Variants in INPP4A observed in about 807,000 individuals in gnomAD.
The protein encoded by INPP4A is inositol polyphosphate-4-phosphatase type I A.
A neutral mutation model predicts 119.8 loss-of-function variants in INPP4A; 33 were observed. The ratio of observed to expected loss-of-function variants is 0.28; its 90% confidence interval spans 0.21 to 0.37. The LOEUF (loss-of-function observed/expected upper bound fraction) is 0.37. Ranked by LOEUF, INPP4A falls within the 10% of genes least tolerant of loss-of-function variation. The pLI, the probability that INPP4A is intolerant of heterozygous loss-of-function variation, is 1.00. For missense variants in INPP4A, 956 were observed against 1,289.9 expected, an observed-to-expected ratio of 0.74 and a Z score of 3.97; for synonymous variants, 496 against 500.7, an observed-to-expected ratio of 0.99 and a Z score of 0.12.
intron 1 of INPP4A, among the ~76,000 whole-genome samples, chr2:98,471,790 T>C (rs1260742797): frequency 6.6e-6 from 1 of 152,190 alleles, no homozygotes; most frequent in Non-Finnish European, 1.5e-5. Flanking sequence ...AGAACCCCTG[T>C]TGGGGCTGAA....
At chr2:98,471,212 T>G (rs146075193) in intron 1 of INPP4A, among the ~76,000 whole-genome samples, 28 of 152,322 alleles carry the variant, frequency 1.8e-4, no homozygotes, top group African/African-American at 6.0e-4. Flanking sequence ...GTGGCTTCAC[T>G]GTAGATGGCC....
rs1575111358 is a variant in INPP4A, at chr2:98,565,670, G to A, written c.2183G>A (p.Ser728Asn). 6.2e-7 allele frequency: 1 copy of A among 1,612,682 alleles called. No individual in the cohort carries two copies. Among genetic ancestry groups the A allele is most frequent in the East Asian group, 2.2e-5 (1 of 44,800 alleles). Reference sequence around the variant, plus strand: ...GAGCTGGCAATGCTGGAGGACATGAGCCTTGGGATCATGGACTTGAGGAAC... The same window carrying A: ...GAGCTGGCAATGCTGGAGGACATGAACCTTGGGATCATGGACTTGAGGAAC... ...GEELAMLEDM[S>N]LGIMDLRNVT... Residue 728 changes from serine to asparagine, a missense_variant, in exon 20 of 25, where the codon AGC becomes AAC. By Grantham distance (46) the Ser-to-Asn change is conservative. Transcript: ENST00000409851.
In INPP4A at chr2:98,592,879, C is replaced by T. The variant is rs539523797; in HGVS notation, c.*5271C>T. On this transcript the variant is annotated 3_prime_UTR_variant, in exon 25 of 25. Transcript: ENST00000409851. The stretch of plus-strand genomic sequence containing the variant: ...TGGGAAAAGCTGGTGGGGGCTACAC[C>T]GTGCTCTGCAGTGTAGTGGGATCCT... The T allele has an allele frequency of 2.0e-5, 3 of 152,488 alleles. No homozygotes were observed. The East Asian group carries it at 5.8e-4, about 29-fold the overall frequency. 9.4% of individuals were successfully genotyped at this position (152,488 alleles called of 1,614,324 possible).
chr2:98,530,006 C>G (rs532289070), intron 4 of INPP4A, among the ~76,000 whole-genome samples: 1 of 152,100 alleles, frequency 6.6e-6, no homozygotes, highest in African/African-American at 2.4e-5. Flanking sequence ...AGAGAGAGAG[C>G]TGGAAAGAGG....
intron 9 of INPP4A, 39 bp from the exon 10 acceptor site, chr2:98,539,489 G>A (rs1469610011): frequency 5.0e-6 from 8 of 1,587,328 alleles, no homozygotes; most frequent in African/African-American, 4.1e-5. Context: ...TCTGCAGCCA[G>A]TTCATTTGCA....
At chr2:98,536,057 C>G in intron 6 of INPP4A, 72 bp from the exon 7 acceptor site, 2 of 967,282 alleles carry the variant, frequency 2.1e-6, no homozygotes, top group African/African-American at 1.6e-5. Flanking sequence ...GCTGGACTCT[C>G]TGGGGCCATG....
chr2:98,524,879 CTGTT>C (rs1325600063), intron 4 of INPP4A, among the ~76,000 whole-genome samples: 1 of 152,192 alleles, frequency 6.6e-6, no homozygotes, highest in African/African-American at 2.4e-5. Flanking sequence ...ACAAAAAGCA[CTGTT>C]TGTTTTAGTT....
chr2:98,473,142 AGT>A (rs1676427740), intron 1 of INPP4A, among the ~76,000 whole-genome samples: 1 of 148,350 alleles, frequency 6.7e-6, no homozygotes. Flanking sequence ...TGCAGTGAAG[AGT>A]GTGGAGGGCA....
In INPP4A at chr2:98,585,648, AAC is replaced by A. The variant is rs1470823082; in HGVS notation, c.2787-1826_2787-1825del. Among the ~76,000 whole-genome samples, 13 of 152,328 alleles carry A rather than the reference AAC, an allele frequency of 8.5e-5. No individual in the cohort carries two copies. The East Asian group carries it at 2.5e-3, about 29-fold the overall frequency. ...CGTCCGCACAGGCAGGTGGTGGGATAACAGTGTCGGCATGTGGATCAGCCACA... is the reference window on the plus strand; with the variant it reads ...CGTCCGCACAGGCAGGTGGTGGGATAAGTGTCGGCATGTGGATCAGCCACA... On this transcript the variant is annotated intron_variant, in intron 24 of 24. Coordinates refer to ENST00000409851, the MANE Select transcript of INPP4A (RefSeq NM_001134225.2).
rs766300586 is a variant in INPP4A, at chr2:98,572,830, G to A, written c.2534G>A (p.Arg845His). The change falls in exon 23 of 25, where the codon CGC (arginine) becomes CAC (histidine). Residue 845 changes from arginine to histidine, a missense_variant. By Grantham distance (29) the Arg-to-His change is conservative (BLOSUM62 0). Transcript: ENST00000409851. ...TCTCTTCCAGGCCTGCCTCGGTCTC[G>A]CAGTCAGACGTGCCTGCCAGAGCTG... ...VLPEDCLPRS[R>H]SQTCLPELLR... is the part of the protein sequence containing the mutation. 2 of 1,562,342 alleles carry A rather than the reference G, an allele frequency of 1.3e-6. No homozygotes were observed. Among genetic ancestry groups the A allele is most frequent in the South Asian group, 1.2e-5 (1 of 84,520 alleles).
intron 1 of INPP4A, among the ~76,000 whole-genome samples, chr2:98,504,526 C>T (rs764040486): frequency 1.3e-5 from 2 of 152,172 alleles, no homozygotes; most frequent in African/African-American, 2.4e-5. Context: ...AGCATTGTAA[C>T]GTTGGTGCTG....
intron 16 of INPP4A, 128 bp downstream of exon 16, chr2:98,555,936 G>C (rs559703057): frequency 8.5e-7 from 1 of 1,178,730 alleles, no homozygotes; most frequent in Non-Finnish European, 1.2e-6. Context: ...CAGGTGGAGC[G>C]GGGGCGTCCC....
chr2:98,578,054 A>G (rs1447563076), intron 24 of INPP4A, among the ~76,000 whole-genome samples: 1 of 152,206 alleles, frequency 6.6e-6, no homozygotes, highest in Non-Finnish European at 1.5e-5. Context: ...CCTCTTGATA[A>G]GTGCATTTTG....
chr2:98,539,403 C>G, intron 9 of INPP4A, 125 bp from the exon 10 acceptor site: 2 of 1,067,238 alleles, frequency 1.9e-6, no homozygotes. Flanking sequence ...CGTTTTAATT[C>G]CCATGAGATG....
intron 1 of INPP4A, among the ~76,000 whole-genome samples, chr2:98,483,910 T>C (rs926919010): frequency 6.6e-6 from 1 of 152,154 alleles, no homozygotes; most frequent in Non-Finnish European, 1.5e-5. Context: ...CCTCCACCTT[T>C]GCATAAAGAA....
intron 13 of INPP4A, among the ~76,000 whole-genome samples, chr2:98,548,775 C>T (rs140930325): frequency 8.5e-5 from 13 of 152,230 alleles, no homozygotes; most frequent in Admixed American, 5.9e-4. Context: ...CAGGGAGTGA[C>T]GCTGCTCTAA....
chr2:98,533,228 A>G (rs1177354375), intron 4 of INPP4A, 149 bp from the exon 5 acceptor site: 32 of 572,534 alleles, frequency 5.6e-5, no homozygotes, highest in Non-Finnish European at 1.0e-4. Context: ...AATTTAAAAA[A>G]TCACTTCCCT....
In INPP4A at chr2:98,591,168, G is replaced by A. The variant is rs1445319579; in HGVS notation, c.*3560G>A. 1 of 180,472 alleles carries A rather than the reference G, an allele frequency of 5.5e-6. No homozygotes were observed. Among genetic ancestry groups the A allele is most frequent in the Admixed American group, 6.3e-5 (1 of 15,950 alleles). The allele number at this position is 180,472 out of a possible 1,614,324, so 11.2% of individuals were successfully genotyped here. A position where few individuals can be genotyped will look rare whatever the true frequency, so the allele number is the denominator to read the frequency against. Reference sequence around the variant, plus strand: ...ATGCTTGTTCTGAAATGGAGTCCTGGCTTCACCATGGAAGGTGGGACATAT... The same window carrying A: ...ATGCTTGTTCTGAAATGGAGTCCTGACTTCACCATGGAAGGTGGGACATAT... On this transcript the variant is annotated 3_prime_UTR_variant, in exon 25 of 25. Coordinates refer to ENST00000409851, the MANE Select transcript of INPP4A (RefSeq NM_001134225.2).
chr2:98,483,637 G>A (rs1678939408), intron 1 of INPP4A, among the ~76,000 whole-genome samples: 1 of 152,166 alleles, frequency 6.6e-6, no homozygotes, highest in Admixed American at 6.5e-5. Context: ...GAATGTCCCT[G>A]TGGTCCATGC....
Sources: gnomAD v4.1 joint callset for allele counts (sites outside exome capture counted in the v4.1 genomes callset) on GRCh38, gnomAD v4.1.1 for gene constraint, MANE v1.5 for transcripts, NCBI Gene and HGNC (gene_info 2026-07-23, HGNC 2026-07-21) for gene names.